Variants in MYO18B observed in about 807,000 individuals in gnomAD.
MYO18B encodes unconventional myosin-XVIIIb.
MYO18B carries 204 observed loss-of-function variants against 273.0 expected under a neutral mutation model. The observed-to-expected ratio is 0.75, with a 90% CI of 0.67 to 0.84. MYO18B has a LOEUF of 0.84. Ranked by LOEUF, MYO18B falls within the 40% of genes least tolerant of loss-of-function variation. The pLI is 0.00. For missense variants in MYO18B, 3,212 were observed against 3,287.6 expected (o/e 0.98, Z 0.56); for synonymous variants, 1,330 against 1,305.7 (o/e 1.02, Z -0.40).
chr22:26,030,103 G>T (rs890919982), intron 43 of MYO18B, among the ~76,000 whole-genome samples: 9 of 152,156 alleles, frequency 5.9e-5, no homozygotes, highest in African/African-American at 2.2e-4. Flanking sequence ...AGGCACAGTG[G>T]CTCATGCCCA....
intron 35 of MYO18B, among the ~76,000 whole-genome samples, chr22:25,946,490 A>G (rs2092714302): frequency 6.6e-6 from 1 of 151,432 alleles, no homozygotes; most frequent in Non-Finnish European, 1.5e-5. Flanking sequence ...ATGTGCAGGC[A>G]TCCTACTGTC....
At chr22:26,010,696 G>T (rs903221709) in intron 42 of MYO18B, among the ~76,000 whole-genome samples, 2 of 152,126 alleles carry the variant, frequency 1.3e-5, no homozygotes, top group Non-Finnish European at 2.9e-5. Context: ...AGCAGGCCAG[G>T]TAATGCTGCT....
intron 39 of MYO18B, chr22:25,964,133 C>T (rs1465706841): frequency 6.6e-6 from 1 of 152,338 alleles, no homozygotes; most frequent in African/African-American, 2.4e-5. Flanking sequence ...CAGTCATCCT[C>T]TTGAAGCATG....
chr22:25,874,439 AGTCTGATCCAACGG>A lies in MYO18B; in HGVS notation c.4080+31_4080+44del, dbSNP rs762936393. On this transcript the variant is annotated intron_variant, in intron 23 of 43. Coordinates refer to ENST00000335473, the MANE Select transcript of MYO18B (RefSeq NM_032608.7). The stretch of plus-strand genomic sequence containing the variant: ...GGTACTGCATGCCGTTCCCATGAGG[AGTCTGATCCAACGG>A]GTCTGGAGCGGGCATAGGGTCTGCC... The A allele has an allele frequency of 2.4e-5, 38 of 1,604,750 alleles. No homozygotes were observed. The African/African-American group carries it at 3.7e-4, about 16-fold the overall frequency.
chr22:25,969,297 G>C (rs2093011225), intron 39 of MYO18B, among the ~76,000 whole-genome samples: 3 of 152,274 alleles, frequency 2.0e-5, no homozygotes, highest in Admixed American at 2.0e-4. Context: ...CTTCTTTTAA[G>C]TAGCCAAATC....
At chr22:25,881,625 G>A (rs992247033) in intron 25 of MYO18B, among the ~76,000 whole-genome samples, 3 of 152,130 alleles carry the variant, frequency 2.0e-5, no homozygotes, top group African/African-American at 7.2e-5. Flanking sequence ...GGAGATGTGC[G>A]GGGATGAGAT....
In MYO18B at chr22:25,768,239, A is replaced by G; in HGVS notation, c.323A>G (p.Glu108Gly). ...SPGSSDILGK[E>G]SEGSRSPDPE... ...GGGAGCTCAGACATTCTGGGCAAGGAGAGCGAGGGGTCCCGCAGCCCCGAC... is the reference window on the plus strand; with the variant it reads ...GGGAGCTCAGACATTCTGGGCAAGGGGAGCGAGGGGTCCCGCAGCCCCGAC... Residue 108 changes from glutamate (E) to glycine (G), a missense_variant, in exon 4 of 44, where the codon GAG (glutamate) becomes GGG (glycine). By Grantham distance (98) the Glu-to-Gly change is moderately conservative. Coordinates refer to ENST00000335473, the MANE Select transcript of MYO18B (RefSeq NM_032608.7). 2 of 1,614,022 alleles carry G rather than the reference A, an allele frequency of 1.2e-6. No homozygotes were observed. Among genetic ancestry groups the G allele is most frequent in the Non-Finnish European group, 1.7e-6 (2 of 1,179,902 alleles).
At chr22:25,943,627 C>T (rs2092670174) in intron 34 of MYO18B, among the ~76,000 whole-genome samples, 1 of 152,104 alleles carries the variant, frequency 6.6e-6, no homozygotes, top group Non-Finnish European at 1.5e-5. Flanking sequence ...CCTGTCTCTG[C>T]CTCAGGGCCT....
intron 2 of MYO18B, among the ~76,000 whole-genome samples, chr22:25,762,568 T>C (rs1054180496): frequency 6.6e-6 from 1 of 152,262 alleles, no homozygotes; most frequent in Non-Finnish European, 1.5e-5. Flanking sequence ...GCCTAGGCCG[T>C]ATTTCTGGGG....
chr22:25,990,227 C>T (rs2093250125), intron 39 of MYO18B, among the ~76,000 whole-genome samples: 1 of 152,028 alleles, frequency 6.6e-6, no homozygotes, highest in East Asian at 1.9e-4. Flanking sequence ...TGAGTGTGTC[C>T]CTGTAATGGT....
chr22:25,849,331 A>G (rs571222088), intron 20 of MYO18B, among the ~76,000 whole-genome samples: 1 of 152,292 alleles, frequency 6.6e-6, no homozygotes, highest in African/African-American at 2.4e-5. Context: ...AGAAATGTCC[A>G]ATTTCTGTCT....
At chr22:25,774,762 C>T (rs1359224039) in intron 7 of MYO18B, among the ~76,000 whole-genome samples, 7 of 152,136 alleles carry the variant, frequency 4.6e-5, no homozygotes, top group Non-Finnish European at 8.8e-5. Flanking sequence ...CTGGACACAC[C>T]GGGGGACTCT....
intron 42 of MYO18B, among the ~76,000 whole-genome samples, chr22:26,025,629 G>A (rs1936184014): frequency 6.6e-6 from 1 of 152,180 alleles, no homozygotes; most frequent in African/African-American, 2.4e-5. Flanking sequence ...TTGGTGAGGG[G>A]AGGGAATGGG....
In MYO18B at chr22:25,770,991, C is replaced by T. The variant is rs117430010; in HGVS notation, c.1692+7C>T. ...TGAGGAGCATGTCCATCGGGTGAGT[C>T]CCCTGTCCCGCCGTCCCCCAGCATG... On this transcript the variant is annotated splice_region_variant and intron_variant, in intron 6 of 43. Coordinates refer to ENST00000335473, the MANE Select transcript of MYO18B (RefSeq NM_032608.7). 457 of 1,538,572 alleles carry T rather than the reference C, an allele frequency of 3.0e-4. 5 individuals carry two copies. The East Asian group carries it at 0.011, about 37-fold the overall frequency.
intron 29 of MYO18B, chr22:25,898,828 T>G: frequency 4.8e-6 from 1 of 208,460 alleles, no homozygotes. Context: ...ATTCAAGTCC[T>G]AAAGGTGCCT....
At chr22:26,040,623 C>G in the MYO18B span, among the ~76,000 whole-genome samples, 2 of 152,104 alleles carry the variant, frequency 1.3e-5, no homozygotes, top group African/African-American at 4.8e-5. Flanking sequence ...AGGAGAAGGC[C>G]TCCTTGGGAA....
At chr22:25,851,634 A>G in intron 21 of MYO18B, 55 bp downstream of exon 21, 1 of 1,310,478 alleles carries the variant, frequency 7.6e-7, no homozygotes, top group Non-Finnish European at 1.1e-6. Context: ...TATGTTGGTT[A>G]TTGGACATGT....
chr22:25,749,958 AT>A (rs1361884052), intron 1 of MYO18B, among the ~76,000 whole-genome samples: 1 of 152,204 alleles, frequency 6.6e-6, no homozygotes, highest in Non-Finnish European at 1.5e-5. Flanking sequence ...AGCCATGCCC[AT>A]TCATTTACGT....
chr22:25,818,677 C>A (rs951281552), intron 12 of MYO18B, among the ~76,000 whole-genome samples: 14 of 152,156 alleles, frequency 9.2e-5, no homozygotes, highest in African/African-American at 3.4e-4. Flanking sequence ...TAGACAAGAA[C>A]CTGCAGGGGA....
Sources: allele counts gnomAD v4.1 joint callset (sites outside exome capture counted in the v4.1 genomes callset), GRCh38; gene constraint gnomAD v4.1.1; transcripts MANE v1.5; gene names NCBI Gene and HGNC (gene_info 2026-07-23, HGNC 2026-07-21).